Variants in MTUS2 observed in about 807,000 individuals in gnomAD.
MTUS2 encodes microtubule associated scaffold protein 2, also known as microtubule-associated tumor suppressor candidate 2.
In MTUS2, 40 loss-of-function variants were observed where a neutral mutation model predicts 114.1. That is an observed-to-expected ratio of 0.35 (90% CI 0.27 to 0.46). The LOEUF is 0.46. MTUS2 is among the 20% of genes least tolerant of loss of function. MTUS2 has a pLI of 1.00. For missense variants in MTUS2, 1,679 were observed against 1,705.4 expected, an observed-to-expected ratio of 0.98 and a Z score of 0.27; for synonymous variants, 688 against 672.0, an observed-to-expected ratio of 1.02 and a Z score of -0.37.
chr13:29,394,857 G>A (rs998680770), intron 8 of MTUS2, among the ~76,000 whole-genome samples: 13 of 152,060 alleles, frequency 8.5e-5, no homozygotes, highest in African/African-American at 2.4e-4. Flanking sequence ...TCTAGGTTGC[G>A]CCCTCCTTTA....
At chr13:29,156,108 A>G (rs1387018263) in intron 5 of MTUS2, among the ~76,000 whole-genome samples, 2 of 152,090 alleles carry the variant, frequency 1.3e-5, no homozygotes, top group African/African-American at 4.8e-5. Context: ...ATAATCACCT[A>G]TCTCTTGCCC....
At chr13:29,062,680 A>C (rs1423538048) in intron 4 of MTUS2, among the ~76,000 whole-genome samples, 4 of 152,048 alleles carry the variant, frequency 2.6e-5, no homozygotes, top group African/African-American at 9.7e-5. Flanking sequence ...TATCGGGAAT[A>C]ATTTCTGGTG....
chr13:29,446,925 T>G (rs1241186795), intron 9 of MTUS2, among the ~76,000 whole-genome samples: 1 of 152,122 alleles, frequency 6.6e-6, no homozygotes, highest in Non-Finnish European at 1.5e-5. Flanking sequence ...GTGGCTGAAT[T>G]TGCTCATATT....
intron 8 of MTUS2, among the ~76,000 whole-genome samples, chr13:29,378,625 C>CA (rs1871945914): frequency 6.6e-6 from 1 of 152,180 alleles, no homozygotes; most frequent in Non-Finnish European, 1.5e-5. Context: ...TTGAAAAAAA[C>CA]AGTGAACCTG....
chr13:29,449,347 A>T (rs1878521771), intron 9 of MTUS2, among the ~76,000 whole-genome samples: 1 of 152,194 alleles, frequency 6.6e-6, no homozygotes, highest in Non-Finnish European at 1.5e-5. Flanking sequence ...ACACATACAC[A>T]CACATACAGT....
intron 5 of MTUS2, among the ~76,000 whole-genome samples, chr13:29,217,740 T>C (rs1157146645): frequency 6.6e-6 from 1 of 152,246 alleles, no homozygotes; most frequent in East Asian, 1.9e-4. Context: ...ACTTTTTCTT[T>C]AATGGAGTCA....
intron 7 of MTUS2, among the ~76,000 whole-genome samples, chr13:29,330,236 T>G (rs1269928174): frequency 6.6e-6 from 1 of 152,246 alleles, no homozygotes; most frequent in Non-Finnish European, 1.5e-5. Context: ...ATAAATGTCT[T>G]CTTTTGAGAA....
chr13:28,961,497 G>C (rs1033779966), intron 2 of MTUS2, among the ~76,000 whole-genome samples: 1 of 152,218 alleles, frequency 6.6e-6, no homozygotes, highest in East Asian at 1.9e-4. Flanking sequence ...ATTGTACTCC[G>C]TTATAATTAC....
chr13:29,112,722 G>A (rs1181161831), intron 5 of MTUS2, among the ~76,000 whole-genome samples: 4 of 152,158 alleles, frequency 2.6e-5, no homozygotes, highest in Admixed American at 6.5e-5. Context: ...GCAAATAGGA[G>A]GGAATGCTAT....
intron 14 of MTUS2, among the ~76,000 whole-genome samples, chr13:29,499,493 A>G (rs1163748643): frequency 6.6e-6 from 1 of 152,274 alleles, no homozygotes; most frequent in East Asian, 1.9e-4. Flanking sequence ...GTACTGTGGA[A>G]AATTATGAAA....
intron 5 of MTUS2, among the ~76,000 whole-genome samples, chr13:29,102,435 G>A (rs1205709314): frequency 2.0e-5 from 3 of 152,196 alleles, no homozygotes; most frequent in African/African-American, 7.2e-5. Flanking sequence ...ACAGAGAGCT[G>A]ACAGGTCTGG....
intron 2 of MTUS2, among the ~76,000 whole-genome samples, chr13:28,879,900 A>G (rs762388311): frequency 6.6e-6 from 1 of 152,084 alleles, no homozygotes; most frequent in Non-Finnish European, 1.5e-5. Flanking sequence ...GAATTGATCC[A>G]GGTCAGAGAG....
At chr13:29,373,627 A>C (rs1871359136) in intron 8 of MTUS2, among the ~76,000 whole-genome samples, 2 of 152,228 alleles carry the variant, frequency 1.3e-5, no homozygotes, top group Non-Finnish European at 2.9e-5. Context: ...TGGGAGGCAC[A>C]TGAGGTATGG....
At chr13:29,318,400 T>TTTTTC (rs1034647358) in intron 6 of MTUS2, among the ~76,000 whole-genome samples, 20 of 151,130 alleles carry the variant, frequency 1.3e-4, no homozygotes, top group East Asian at 3.9e-4. Flanking sequence ...TCTTTTTTTT[T>TTTTTC]TTGAGATGAC....
At chr13:29,230,684 C>T (rs1354478049) in intron 5 of MTUS2, among the ~76,000 whole-genome samples, 2 of 152,218 alleles carry the variant, frequency 1.3e-5, no homozygotes, top group African/African-American at 4.8e-5. Context: ...ACTTTGAAAT[C>T]AGGTAACTTT....
intron 4 of MTUS2, among the ~76,000 whole-genome samples, chr13:29,086,538 G>A (rs1196136345): frequency 6.6e-6 from 1 of 152,166 alleles, no homozygotes; most frequent in Non-Finnish European, 1.5e-5. Context: ...TTGTAGTATA[G>A]TTTGAAGTTG....
intron 7 of MTUS2, among the ~76,000 whole-genome samples, chr13:29,349,958 C>A (rs1474966138): frequency 6.6e-6 from 1 of 152,056 alleles, no homozygotes; most frequent in African/African-American, 2.4e-5. Context: ...TATTTTCAGT[C>A]CTAATTCTTC....
rs200133422 is a variant in MTUS2 at position 29,025,074 on chromosome 13, A to T, written c.376A>T (p.Ser126Cys). ...CACAGATAGCCTGCAGACCACGCGG[A>T]GTATTCAGGGACCAAGTCTGTCGAG... ...RGTDSLQTTRSIQGPSLSSWR... is the reference protein window; with the variant it reads ...RGTDSLQTTRCIQGPSLSSWR... Residue 126 changes from serine to cysteine, a missense_variant, in exon 3 of 16, where the codon AGT becomes TGT. Ser to Cys is a moderately radical substitution (Grantham distance 112, BLOSUM62 -1). Around this residue, in one of 3 missense-constraint regions of MTUS2, gnomAD observed 843 missense variants for 770.8 expected, o/e 1.09. Coordinates refer to ENST00000612955, the MANE Select transcript of MTUS2 (RefSeq NM_001033602.4). 2 of 1,613,830 alleles carry T rather than the reference A, an allele frequency of 1.2e-6. No individual in the cohort carries two copies. The highest frequency in any genetic ancestry group is 3.3e-5 in the Admixed American group (2 of 59,998).
chr13:29,274,239 G>A lies in MTUS2; in HGVS notation c.2645-7465G>A, dbSNP rs1053431233. ...CGCCATTCTCTTGCCTCAGCCTCCC[G>A]AGTAGCTGAGACTACAGGTGCCCGC... On this transcript the variant is annotated intron_variant, in intron 5 of 15. Coordinates refer to ENST00000612955, the MANE Select transcript of MTUS2 (RefSeq NM_001033602.4). 4.6e-5 allele frequency among the ~76,000 whole-genome samples: 7 copies of A among 151,932 alleles called. No individual in the cohort carries two copies. The South Asian group carries it at 1.0e-3, about 23-fold the overall frequency.
Sources: allele counts gnomAD v4.1 joint callset (sites outside exome capture counted in the v4.1 genomes callset), GRCh38; gene constraint gnomAD v4.1.1; regional missense constraint gnomAD v4.1.1; transcripts MANE v1.5; gene names NCBI Gene and HGNC (gene_info 2026-07-23, HGNC 2026-07-21).